Variants in CCDC18 observed in about 807,000 individuals in gnomAD.
CCDC18 encodes coiled-coil domain containing 18, also known as coiled-coil domain-containing protein 18.
In CCDC18, 157 loss-of-function variants were observed where a neutral mutation model predicts 196.0. The observed-to-expected ratio is 0.80, with a 90% CI of 0.70 to 0.91. The LOEUF (loss-of-function observed/expected upper bound fraction) is 0.91, where lower values mean the gene tolerates loss of function less well. Among genes scored for constraint, CCDC18 ranks in the 40% least tolerant of loss-of-function variants. The pLI, the probability that CCDC18 is intolerant of heterozygous loss-of-function variation, is 0.00. For missense variants in CCDC18, 1,465 were observed against 1,611.6 expected, an observed-to-expected ratio of 0.91 and a Z score of 1.56; for synonymous variants, 482 against 529.2, an observed-to-expected ratio of 0.91 and a Z score of 1.22.
chr1:93,269,397 T>G (rs1664983689), intron 27 of CCDC18, among the ~76,000 whole-genome samples: 1 of 150,478 alleles, frequency 6.6e-6, no homozygotes, highest in Admixed American at 6.6e-5. Flanking sequence ...GCACGTTGAG[T>G]ACATGTACCC....
At position 93,229,909 on chromosome 1, in the gene CCDC18, T is replaced by C. The variant is rs537174079; in HGVS notation, c.2293-2517T>C. Among the ~76,000 whole-genome samples, 10 of 152,316 alleles carry C rather than the reference T, an allele frequency of 6.6e-5. No individual in the cohort carries two copies. The South Asian group carries it at 2.1e-3, about 32-fold the overall frequency. On this transcript the variant is annotated intron_variant, in intron 17 of 28. Transcript: ENST00000690025. ...CCTAAATGTTTTCTGCATAAAGATT[T>C]TATTCAATAAAATCAGTCGTTTCAT...
intron 20 of CCDC18, 95 bp from the exon 21 acceptor site, chr1:93,239,588 C>T: frequency 6.7e-6 from 9 of 1,350,676 alleles, no homozygotes; most frequent in Non-Finnish European, 9.2e-6. Context: ...TATTTTGCCT[C>T]TCGTAGATGA....
rs929087470 is a variant in CCDC18 at position 93,256,347 on chromosome 1, C to A, written c.3355C>A (p.Gln1119Lys). Residue 1119 changes from glutamine to lysine, a missense_variant, in exon 25 of 29, where the codon CAA becomes AAA. Transcript: ENST00000690025. ...MKEMESVMKE[Q>K]EQYIATQYKE... ...TTATGCTTTTCAGGTTATGAAAGAG[C>A]AAGAACAGTACATTGCCACTCAGTA... The A allele has an allele frequency of 2.5e-6, 4 of 1,613,854 alleles. No individual in the cohort carries two copies. The highest frequency in any genetic ancestry group is 3.4e-6 in the Non-Finnish European group (4 of 1,179,846).
chr1:93,191,490 G>A (rs2101633636), intron 4 of CCDC18, among the ~76,000 whole-genome samples: 1 of 152,186 alleles, frequency 6.6e-6, no homozygotes, highest in East Asian at 1.9e-4. Flanking sequence ...TTATCTTATT[G>A]ATACTCTCTT....
chr1:93,261,795 CATA>C (rs754710110), intron 26 of CCDC18, among the ~76,000 whole-genome samples: 1 of 152,078 alleles, frequency 6.6e-6, no homozygotes, highest in African/African-American at 2.4e-5. Context: ...ATTATGTAGA[CATA>C]ATTATTCTAT....
At chr1:93,220,655 G>A (rs574060671) in intron 14 of CCDC18, among the ~76,000 whole-genome samples, 54 of 152,136 alleles carry the variant, frequency 3.5e-4, no homozygotes, top group Middle Eastern at 3.4e-3. Context: ...AGGGGTACAC[G>A]TACAGGAGGT....
intron 27 of CCDC18, among the ~76,000 whole-genome samples, chr1:93,266,917 A>G (rs1449905144): frequency 6.6e-6 from 1 of 152,218 alleles, no homozygotes; most frequent in East Asian, 1.9e-4. Context: ...CAATAGAAAA[A>G]GAGAGAATCC....
intron 5 of CCDC18, among the ~76,000 whole-genome samples, chr1:93,193,004 CT>C (rs993755007): frequency 7.2e-5 from 11 of 152,032 alleles, no homozygotes; most frequent in Non-Finnish European, 4.4e-5. Flanking sequence ...TTGTAATTTT[CT>C]TTGTAATACA....
intron 5 of CCDC18, among the ~76,000 whole-genome samples, chr1:93,192,499 A>G (rs1484090126): frequency 6.6e-6 from 1 of 152,206 alleles, no homozygotes; most frequent in Non-Finnish European, 1.5e-5. Flanking sequence ...GTGGTACAGT[A>G]TGGCTCACTG....
intron 19 of CCDC18, among the ~76,000 whole-genome samples, chr1:93,238,274 G>C (rs886447412): frequency 2.6e-5 from 4 of 152,162 alleles, no homozygotes; most frequent in African/African-American, 9.7e-5. Context: ...AAATGTAAAA[G>C]TGTCATTAGC....
chr1:93,252,355 A>G (rs550240405), intron 23 of CCDC18, among the ~76,000 whole-genome samples: 66 of 152,322 alleles, frequency 4.3e-4, no homozygotes, highest in African/African-American at 1.5e-3. Flanking sequence ...ATATTTTCAA[A>G]TAGTCCATCT....
At chr1:93,191,530 C>G (rs1651802937) in intron 4 of CCDC18, among the ~76,000 whole-genome samples, 1 of 152,038 alleles carries the variant, frequency 6.6e-6, no homozygotes, top group Admixed American at 6.6e-5. Context: ...GGTTCCCACC[C>G]TGCTATAGTA....
intron 4 of CCDC18, among the ~76,000 whole-genome samples, chr1:93,187,258 G>A (rs1417240314): frequency 6.6e-6 from 1 of 151,978 alleles, no homozygotes; most frequent in East Asian, 1.9e-4. Flanking sequence ...TGTTTGACTT[G>A]TATGGAGCAT....
intron 26 of CCDC18, among the ~76,000 whole-genome samples, chr1:93,260,330 G>A (rs1002840210): frequency 6.2e-4 from 94 of 152,218 alleles, no homozygotes; most frequent in African/African-American, 2.1e-3. Context: ...GTTGCAGTAA[G>A]CCAAGATCGC....
rs375452153 is a variant in CCDC18 at position 93,232,578 on chromosome 1, T to G, written c.2445T>G (p.Thr815=). Residue 815 remains threonine (T), a synonymous_variant, in exon 18 of 29, where the codon ACT becomes ACG. Transcript: ENST00000690025. The stretch of plus-strand genomic sequence containing the variant: ...ATGGAGAGCTAGAAGATACTCAAAC[T>G]AAACTTGAAAAACAGGTATATATTA... ...IRNGELEDTQ[T]KLEKQVSKLE... 6.3e-7 allele frequency: 1 copy of G among 1,598,700 alleles called. No homozygotes were observed. The highest frequency in any genetic ancestry group is 8.5e-7 in the Non-Finnish European group (1 of 1,173,860).
intron 12 of CCDC18, among the ~76,000 whole-genome samples, chr1:93,215,654 C>T (rs760615040): frequency 7.9e-5 from 12 of 151,932 alleles, no homozygotes; most frequent in Non-Finnish European, 1.6e-4. Context: ...TAGAGACAGT[C>T]GCTGTGTTGC....
chr1:93,231,284 T>G (rs1309397371), intron 17 of CCDC18, among the ~76,000 whole-genome samples: 1 of 152,206 alleles, frequency 6.6e-6, no homozygotes, highest in African/African-American at 2.4e-5. Context: ...AAAAAATTTA[T>G]TATATAAGCA....
rs1570660031 is a variant in CCDC18, at chr1:93,270,273, C to T, written c.3886-74C>T. On this transcript the variant is annotated intron_variant, in intron 27 of 28. Transcript: ENST00000690025. ...GGACAAAGGTTGACTTTCTAAAAGT[C>T]TATGATTTTCTAAGGAGTTCATTCA... is the stretch of plus-strand genomic sequence containing the variant. 3.7e-6 allele frequency: 3 copies of T among 810,474 alleles called. No individual in the cohort carries two copies. The East Asian group carries it at 8.0e-5, about 22-fold the overall frequency. 50.2% of individuals were successfully genotyped at this position (810,474 alleles called of 1,614,324 possible). A position where few individuals can be genotyped will look rare whatever the true frequency, so the allele number is the denominator to read the frequency against.
Position 93,256,604 on chromosome 1 carries a change from T to G in CCDC18, c.3546+66T>G, listed in dbSNP as rs150811874. Reference sequence around the variant, plus strand: ...ACAAATATTAGCATTTTTTTTGAACTGTAGAATATAGTTCTTTCAAAAATG... The same window carrying G: ...ACAAATATTAGCATTTTTTTTGAACGGTAGAATATAGTTCTTTCAAAAATG... On this transcript the variant is annotated intron_variant, in intron 25 of 28. Coordinates refer to ENST00000690025, the MANE Select transcript of CCDC18 (RefSeq NM_001378204.1). 3 of 1,298,426 alleles carry G rather than the reference T, an allele frequency of 2.3e-6. No homozygotes were observed. The East Asian group carries it at 7.3e-5, about 31-fold the overall frequency. The allele number at this position is 1,298,426 out of a possible 1,614,324, so 80.4% of individuals were successfully genotyped here.
Sources: gnomAD v4.1 joint callset for allele counts (sites outside exome capture counted in the v4.1 genomes callset) on GRCh38, gnomAD v4.1.1 for gene constraint, MANE v1.5 for transcripts, NCBI Gene and HGNC (gene_info 2026-07-23, HGNC 2026-07-21) for gene names.